The following CEP112 variants were observed in gnomAD, a reference collection of about 807,000 sequenced individuals.
CEP112 encodes centrosomal protein 112, also known as centrosomal protein of 112 kDa.
CEP112 carries 127 observed loss-of-function variants against 153.0 expected under a neutral mutation model. The ratio of observed to expected loss-of-function variants is 0.83; its 90% CI spans 0.72 to 0.96. The LOEUF (loss-of-function observed/expected upper bound fraction) is 0.96, where lower values mean the gene tolerates loss of function less well. Among genes scored for constraint, CEP112 ranks in the 40% least tolerant of loss-of-function variants. CEP112 has a pLI of 0.00. For missense variants in CEP112, 1,089 were observed against 1,101.2 expected (o/e 0.99, Z 0.16); for synonymous variants, 358 against 374.4 (o/e 0.96, Z 0.51).
chr17:65,998,665 TTA>T (rs2063891604), intron 17 of CEP112, among the ~76,000 whole-genome samples: 1 of 151,564 alleles, frequency 6.6e-6, no homozygotes, highest in Admixed American at 6.6e-5. Context: ...AATATAGTCG[TTA>T]TAATAATAAT....
At chr17:65,935,097 T>C (rs543184306) in intron 18 of CEP112, among the ~76,000 whole-genome samples, 1 of 152,262 alleles carries the variant, frequency 6.6e-6, no homozygotes, top group South Asian at 2.1e-4. Context: ...GGATTACAAT[T>C]TGAGGTGAGA....
At chr17:66,121,352 AC>A (rs2069577858) in intron 6 of CEP112, among the ~76,000 whole-genome samples, 1 of 152,178 alleles carries the variant, frequency 6.6e-6, no homozygotes, top group Admixed American at 6.5e-5. Context: ...TTGTATTTAA[AC>A]TTGAAGTGCA....
chr17:65,893,185 G>A (rs779348792), intron 20 of CEP112, among the ~76,000 whole-genome samples: 47 of 151,968 alleles, frequency 3.1e-4, no homozygotes, highest in Non-Finnish European at 6.0e-4. Flanking sequence ...CACTCCTCGA[G>A]ACTAGTGCAG....
chr17:65,699,190 C>T (rs561057940), intron 23 of CEP112, among the ~76,000 whole-genome samples: 21 of 152,338 alleles, frequency 1.4e-4, no homozygotes, highest in South Asian at 4.1e-4. Flanking sequence ...ACCAGAGCAG[C>T]GGCCTTTGCC....
intron 21 of CEP112, among the ~76,000 whole-genome samples, chr17:65,783,995 A>G (rs907385291): frequency 2.0e-5 from 3 of 152,244 alleles, no homozygotes; most frequent in African/African-American, 7.2e-5. Flanking sequence ...CATGTAGATA[A>G]AGTGGACAAT....
At chr17:65,805,757 T>C (rs2055560495) in intron 21 of CEP112, among the ~76,000 whole-genome samples, 1 of 152,206 alleles carries the variant, frequency 6.6e-6, no homozygotes, top group South Asian at 2.1e-4. Context: ...AGTGCTTTGT[T>C]GAAAAAATAA....
chr17:65,873,300 C>G (rs1005047644), intron 20 of CEP112, among the ~76,000 whole-genome samples: 1 of 152,172 alleles, frequency 6.6e-6, no homozygotes, highest in Non-Finnish European at 1.5e-5. Flanking sequence ...ACTGAGGTTA[C>G]CACCAGTTTC....
chr17:65,767,302 A>T (rs573017856), intron 21 of CEP112, among the ~76,000 whole-genome samples: 1 of 152,110 alleles, frequency 6.6e-6, no homozygotes, highest in Non-Finnish European at 1.5e-5. Flanking sequence ...TCAAAGAAGA[A>T]ATCAAAAGAA....
At chr17:65,686,078 T>C (rs551051366) in intron 24 of CEP112, among the ~76,000 whole-genome samples, 7 of 151,606 alleles carry the variant, frequency 4.6e-5, no homozygotes, top group African/African-American at 7.3e-5. Context: ...GTTAAATATC[T>C]ATTATTTGTT....
At position 66,029,273 on chromosome 17, in the gene CEP112, T is replaced by C. The variant is rs372138099; in HGVS notation, c.1374-21A>G. ...TACGCCTAAAAACAAGAGAATAAAA[T>C]AGACTTTCAATGTATTTAAAACCAA... On this transcript the variant is annotated intron_variant, in intron 13 of 26. Transcript: ENST00000535342. 9.5e-5 allele frequency: 152 copies of C among 1,598,310 alleles called. 1 individual carries two copies. Among genetic ancestry groups the C allele is most frequent in the Non-Finnish European group, 1.2e-4 (141 of 1,172,836 alleles).
At chr17:65,842,000 T>C (rs1418032190) in intron 21 of CEP112, among the ~76,000 whole-genome samples, 1 of 152,030 alleles carries the variant, frequency 6.6e-6, no homozygotes, top group Non-Finnish European at 1.5e-5. Flanking sequence ...ACTTTGATGA[T>C]AGCAAATAAG....
intron 23 of CEP112, among the ~76,000 whole-genome samples, chr17:65,718,872 G>A (rs2049704829): frequency 6.6e-6 from 1 of 152,178 alleles, no homozygotes; most frequent in Admixed American, 6.5e-5. Context: ...TTTGTCAGAT[G>A]TTTCCACGTG....
chr17:65,744,235 T>G (rs933369170), intron 22 of CEP112, among the ~76,000 whole-genome samples: 47 of 149,540 alleles, frequency 3.1e-4, no homozygotes, highest in South Asian at 8.6e-4. Context: ...TTTTTGTGTT[T>G]TTTGTTTGTT....
chr17:65,991,721 C>G (rs2063602685), intron 17 of CEP112, among the ~76,000 whole-genome samples: 1 of 152,046 alleles, frequency 6.6e-6, no homozygotes, highest in Admixed American at 6.6e-5. Context: ...TCCTTTTAGG[C>G]TATTTCTAGA....
At chr17:65,772,028 A>C (rs1423824544) in intron 21 of CEP112, among the ~76,000 whole-genome samples, 1 of 152,154 alleles carries the variant, frequency 6.6e-6, no homozygotes, top group Non-Finnish European at 1.5e-5. Context: ...TCCCTGAAAA[A>C]AAAATTGCAA....
intron 23 of CEP112, among the ~76,000 whole-genome samples, chr17:65,724,710 C>T (rs1427446981): frequency 6.6e-6 from 1 of 152,148 alleles, no homozygotes; most frequent in Admixed American, 6.5e-5. Flanking sequence ...TAGGATCAGG[C>T]ACAATAGTGT....
At chr17:65,951,749 C>CCCTCCCG in intron 18 of CEP112, among the ~76,000 whole-genome samples, 1 of 106,148 alleles carries the variant, frequency 9.4e-6, no homozygotes, top group Non-Finnish European at 2.0e-5. Context: ...CCCCGCCCCC[C>CCCTCCCG]CCTTTCTTCC....
intron 16 of CEP112, among the ~76,000 whole-genome samples, chr17:66,025,785 CA>C (rs2065174589): frequency 6.6e-6 from 1 of 152,058 alleles, no homozygotes; most frequent in African/African-American, 2.4e-5. Flanking sequence ...TCTGATCCAG[CA>C]ATTCCACTTC....
chr17:65,636,434 T>C (rs1463044066), intron 26 of CEP112, among the ~76,000 whole-genome samples: 2 of 152,134 alleles, frequency 1.3e-5, no homozygotes, highest in Non-Finnish European at 2.9e-5. Context: ...GAAAGGACTT[T>C]GAAGATGTGA....
Sources: allele counts gnomAD v4.1 joint callset (sites outside exome capture counted in the v4.1 genomes callset), GRCh38; gene constraint gnomAD v4.1.1; transcripts MANE v1.5; gene names NCBI Gene and HGNC (gene_info 2026-07-23, HGNC 2026-07-21).